Variants in SYNE2 observed in about 807,000 individuals in gnomAD.
SYNE2 encodes nesprin-2.
SYNE2 carries 431 observed loss-of-function variants against 856.3 expected under a neutral mutation model. The observed-to-expected ratio is 0.50, with a 90% CI of 0.47 to 0.55. The LOEUF (loss-of-function observed/expected upper bound fraction) is 0.55. Ranked by LOEUF, SYNE2 falls within the 20% of genes least tolerant of loss-of-function variation. SYNE2 has a pLI of 0.00. For synonymous variants in SYNE2, 2,923 were observed against 2,872.3 expected, an observed-to-expected ratio of 1.02 and a Z score of -0.56; for missense variants, 8,129 against 8,023.2, an observed-to-expected ratio of 1.01 and a Z score of -0.50.
intron 11 of SYNE2, among the ~76,000 whole-genome samples, chr14:63,974,878 G>GTATATA (rs1566949539): frequency 6.8e-5 from 2 of 29,354 alleles, no homozygotes; most frequent in East Asian, 1.5e-3. Flanking sequence ...GTGTGTGTGT[G>GTATATA]TGTGTGTGTG....
chr14:64,134,231 C>T (rs1008128393), intron 78 of SYNE2, 31 bp downstream of exon 78: 5 of 1,610,778 alleles, frequency 3.1e-6, no homozygotes, highest in Non-Finnish European at 3.4e-6. Flanking sequence ...TTATCAAAGG[C>T]GTGTCCATAG....
At chr14:64,199,941 C>T (rs973487433) in intron 99 of SYNE2, among the ~76,000 whole-genome samples, 2 of 152,076 alleles carry the variant, frequency 1.3e-5, no homozygotes, top group Non-Finnish European at 2.9e-5. Flanking sequence ...ATTTTGGATA[C>T]CACAGCCCTG....
rs532143533 is a variant in SYNE2 at position 63,863,444 on chromosome 14, C to T, written c.-52+10301C>T. ...TATGACTGAGATTTTCATCTTTAGC[C>T]GCTTCTGTGTGATACATGAATTAAT... On this transcript the variant is annotated intron_variant, in intron 1 of 115. Transcript: ENST00000555002. Among the ~76,000 whole-genome samples, 6 of 152,168 alleles carry T rather than the reference C, an allele frequency of 3.9e-5. No homozygotes were observed. In the South Asian group the frequency reaches 6.2e-4, roughly 16 times the overall value.
At chr14:64,035,699 T>G (rs1315326873) in intron 45 of SYNE2, among the ~76,000 whole-genome samples, 1 of 152,038 alleles carries the variant, frequency 6.6e-6, no homozygotes, top group South Asian at 2.1e-4. Flanking sequence ...ATTTATTTTT[T>G]ATGAATTTTA....
intron 1 of SYNE2, among the ~76,000 whole-genome samples, chr14:63,781,815 A>G (rs1887322355): frequency 6.6e-6 from 1 of 152,152 alleles, no homozygotes; most frequent in African/African-American, 2.4e-5. Context: ...GCAAAAGAAT[A>G]AGGTAGTATA....
intron 11 of SYNE2, among the ~76,000 whole-genome samples, chr14:63,975,394 A>G (rs1269067326): frequency 6.6e-6 from 1 of 152,098 alleles, no homozygotes; most frequent in Admixed American, 6.6e-5. Flanking sequence ...GTGCAGTGGC[A>G]TGATCATGGC....
At chr14:63,860,354 G>T (rs1470688413) in intron 1 of SYNE2, among the ~76,000 whole-genome samples, 2 of 152,182 alleles carry the variant, frequency 1.3e-5, no homozygotes, top group East Asian at 3.8e-4. Context: ...GAGGAGGGAG[G>T]TGAATGGGGA....
intron 23 of SYNE2, 77 bp from the exon 24 acceptor site, chr14:63,996,870 C>A: frequency 7.5e-7 from 1 of 1,334,184 alleles, no homozygotes; most frequent in Non-Finnish European, 1.1e-6. Flanking sequence ...CTACACACAT[C>A]TGTTAGTTTC....
rs184040241 is a variant in SYNE2 at position 63,788,082 on chromosome 14, C to T, written c.-305+26096C>T. 4.0e-3 allele frequency among the ~76,000 whole-genome samples: 615 copies of T among 152,314 alleles called. 1 individual carries two copies. Among genetic ancestry groups the T allele is most frequent in the Non-Finnish European group, 5.2e-3 (353 of 68,010 alleles). On this transcript the variant is annotated intron_variant, in intron 1 of 23. Transcript: ENST00000674003. Reference sequence around the variant, plus strand: ...GGCAGCAGAGGCGGCAGAGGGCTGGCGTATAAGCACTGCCGCAAGCTTGAG... The same window carrying T: ...GGCAGCAGAGGCGGCAGAGGGCTGGTGTATAAGCACTGCCGCAAGCTTGAG...
intron 79 of SYNE2, among the ~76,000 whole-genome samples, chr14:64,138,186 T>C (rs967445526): frequency 1.1e-4 from 17 of 151,838 alleles, no homozygotes; most frequent in African/African-American, 3.6e-4. Context: ...ATGTAATCAG[T>C]TTGCTGTGAT....
At chr14:64,164,856 TTTTTA>T (rs1328073332) in intron 89 of SYNE2, among the ~76,000 whole-genome samples, 3 of 143,526 alleles carry the variant, frequency 2.1e-5, no homozygotes, top group African/African-American at 7.9e-5. Context: ...AATTTACTTT[TTTTTA>T]TTTTTTGTTT....
chr14:64,207,816 G>A (rs1451035001), intron 100 of SYNE2: 2 of 360,536 alleles, frequency 5.5e-6, no homozygotes, highest in African/African-American at 2.1e-5. Context: ...ATTTAACTTA[G>A]TGTTTGCTTT....
intron 1 of SYNE2, among the ~76,000 whole-genome samples, chr14:63,787,096 C>T (rs750763693): frequency 6.6e-6 from 1 of 151,994 alleles, no homozygotes; most frequent in African/African-American, 2.4e-5. Context: ...TTTTTGAGCC[C>T]GGGTATACAT....
chr14:64,090,827 C>G (rs374772162), intron 59 of SYNE2, 39 bp from the exon 60 acceptor site: 173 of 1,575,604 alleles, frequency 1.1e-4, no homozygotes, highest in Middle Eastern at 8.4e-4. Context: ...TGGCCATTGT[C>G]TTTTCATTTC....
chr14:64,186,644 C>A, intron 97 of SYNE2, 65 bp downstream of exon 97: 2 of 1,601,824 alleles, frequency 1.2e-6, no homozygotes, highest in Admixed American at 3.3e-5. Flanking sequence ...GAAGGCCAGA[C>A]AAAGTAGAAA....
intron 1 of SYNE2, among the ~76,000 whole-genome samples, chr14:63,820,847 T>G (rs1889186098): frequency 1.3e-5 from 2 of 151,908 alleles, no homozygotes. Flanking sequence ...CCTCCTGGGT[T>G]CAAGTGATTC....
intron 85 of SYNE2, among the ~76,000 whole-genome samples, chr14:64,153,662 G>T (rs2098263510): frequency 6.6e-6 from 1 of 152,130 alleles, no homozygotes; most frequent in Non-Finnish European, 1.5e-5. Context: ...CACTGCCAGG[G>T]TTACAAAGGT....
intron 83 of SYNE2, among the ~76,000 whole-genome samples, chr14:64,144,777 T>TA (rs1254398336): frequency 1.3e-5 from 2 of 152,192 alleles, no homozygotes; most frequent in African/African-American, 4.8e-5. Flanking sequence ...TTTAAGTAGA[T>TA]AGTCCTTCAA....
At chr14:64,070,123 C>T (rs1452104078) in intron 51 of SYNE2, among the ~76,000 whole-genome samples, 2 of 152,176 alleles carry the variant, frequency 1.3e-5, no homozygotes, top group African/African-American at 2.4e-5. Context: ...TCTGTGTACA[C>T]CACTATTGAT....
Sources: allele counts gnomAD v4.1 joint callset (sites outside exome capture counted in the v4.1 genomes callset), GRCh38; gene constraint gnomAD v4.1.1; transcripts MANE v1.5; gene names NCBI Gene and HGNC (gene_info 2026-07-23, HGNC 2026-07-21).